The following STARD13 variants were observed in gnomAD, a reference collection of about 807,000 sequenced individuals.
The protein encoded by STARD13 is StAR related lipid transfer domain containing 13.
In STARD13, 62 loss-of-function variants were observed where a neutral mutation model predicts 106.4. The observed-to-expected ratio is 0.58, with a 90% CI of 0.48 to 0.72. The LOEUF (loss-of-function observed/expected upper bound fraction) is 0.72. STARD13 is among the 30% of genes least tolerant of loss of function. The pLI is 0.00. For synonymous variants in STARD13, 565 were observed against 553.0 expected, an observed-to-expected ratio of 1.02 and a Z score of -0.31; for missense variants, 1,387 against 1,424.0, an observed-to-expected ratio of 0.97 and a Z score of 0.42.
chr13:33,235,151 A>G (rs1889124514), intron 1 of STARD13, among the ~76,000 whole-genome samples: 1 of 152,250 alleles, frequency 6.6e-6, no homozygotes, highest in African/African-American at 2.4e-5. Flanking sequence ...GCAAACTCAC[A>G]CAGGAGGCTT....
At chr13:33,136,112 C>A (rs1879018913) in intron 4 of STARD13, among the ~76,000 whole-genome samples, 1 of 143,234 alleles carries the variant, frequency 7.0e-6, no homozygotes, top group African/African-American at 2.5e-5. Context: ...TGAAGTGAGA[C>A]TCTACCTCAA....
chr13:33,137,579 C>T (rs896726853), intron 4 of STARD13, among the ~76,000 whole-genome samples: 1 of 152,102 alleles, frequency 6.6e-6, no homozygotes, highest in Admixed American at 6.5e-5. Context: ...ATATGGAAGG[C>T]CTTTCTAGTC....
the STARD13 span, among the ~76,000 whole-genome samples, chr13:33,514,614 A>C: frequency 6.6e-6 from 1 of 152,214 alleles, no homozygotes; most frequent in East Asian, 1.9e-4. Flanking sequence ...GACCAAGGGC[A>C]TGTTCCTACT....
intron 1 of STARD13, among the ~76,000 whole-genome samples, chr13:33,242,031 C>T (rs901025130): frequency 3.9e-5 from 6 of 151,984 alleles, no homozygotes; most frequent in Non-Finnish European, 8.8e-5. Flanking sequence ...CCCCTCTGCC[C>T]CGCCGCCCCA....
the STARD13 span, among the ~76,000 whole-genome samples, chr13:33,443,307 G>T: frequency 2.9e-3 from 434 of 151,544 alleles, 2 homozygotes; most frequent in African/African-American, 0.01. Context: ...AACCCAGGAG[G>T]TGGAGCTTGC....
the STARD13 span, among the ~76,000 whole-genome samples, chr13:33,518,659 G>A: frequency 2.0e-5 from 3 of 152,076 alleles, no homozygotes; most frequent in African/African-American, 7.2e-5. Flanking sequence ...ATAGGGCTGA[G>A]TAGAGGCAAG....
intron 1 of STARD13, among the ~76,000 whole-genome samples, chr13:33,311,741 A>G (rs565983542): frequency 6.6e-6 from 1 of 152,348 alleles, no homozygotes; most frequent in East Asian, 1.9e-4. Context: ...CAGAGATGAA[A>G]GCACAAAGGC....
At chr13:33,143,900 C>T (rs1880183158) in intron 3 of STARD13, among the ~76,000 whole-genome samples, 1 of 152,172 alleles carries the variant, frequency 6.6e-6, no homozygotes, top group Non-Finnish European at 1.5e-5. Context: ...TCAATGGCTT[C>T]TTTTTAGCAA....
chr13:33,414,436 C>A, the STARD13 span, among the ~76,000 whole-genome samples: 7 of 152,200 alleles, frequency 4.6e-5, no homozygotes, highest in African/African-American at 1.7e-4. Flanking sequence ...TTTGGTGAGT[C>A]CACATCACAG....
chr13:33,493,897 GA>G, the STARD13 span, among the ~76,000 whole-genome samples: 1 of 151,222 alleles, frequency 6.6e-6, no homozygotes, highest in Non-Finnish European at 1.5e-5. Flanking sequence ...ACACAGCTAT[GA>G]AAAAAATCCA....
chr13:33,316,997 A>G (rs1893365913), intron 1 of STARD13, among the ~76,000 whole-genome samples: 1 of 152,130 alleles, frequency 6.6e-6, no homozygotes, highest in African/African-American at 2.4e-5. Flanking sequence ...GTCTTCTGGG[A>G]TATCAGGCTT....
intron 1 of STARD13, among the ~76,000 whole-genome samples, chr13:33,259,529 C>T (rs1266130537): frequency 1.3e-5 from 2 of 152,094 alleles, no homozygotes; most frequent in African/African-American, 4.8e-5. Flanking sequence ...TTTGACATTG[C>T]CAGACTCCAT....
the STARD13 span, among the ~76,000 whole-genome samples, chr13:33,588,020 A>G: frequency 6.6e-6 from 1 of 152,224 alleles, no homozygotes; most frequent in African/African-American, 2.4e-5. Flanking sequence ...GTTTCATATT[A>G]TATTTCTATT....
chr13:33,173,820 G>C (rs774695874), intron 1 of STARD13, among the ~76,000 whole-genome samples: 3 of 152,116 alleles, frequency 2.0e-5, no homozygotes, highest in Admixed American at 6.5e-5. Flanking sequence ...CTGACTGTCA[G>C]CAAGTATACA....
chr13:33,124,593 T>C lies in STARD13; in HGVS notation c.2082+1488A>G, dbSNP rs376012687. Among the ~76,000 whole-genome samples the C allele has an allele frequency of 2.0e-5, 3 of 152,306 alleles. No individual in the cohort carries two copies. In the East Asian group the frequency reaches 5.8e-4, roughly 29 times the overall value. On this transcript the variant is annotated intron_variant, in intron 7 of 13. Transcript: ENST00000336934. ...AAGACTTTTGCTTCTAAAGAGAGAC[T>C]GGCCCCACTAACAGCAATGATATTG...
intron 1 of STARD13, among the ~76,000 whole-genome samples, chr13:33,205,582 T>A (rs1025585845): frequency 1.3e-5 from 2 of 152,228 alleles, no homozygotes; most frequent in Non-Finnish European, 2.9e-5. Flanking sequence ...TCTCTGAGAT[T>A]AAATAAAAGT....
chr13:33,649,241 T>C, the STARD13 span, among the ~76,000 whole-genome samples: 3 of 152,238 alleles, frequency 2.0e-5, no homozygotes, highest in Non-Finnish European at 4.4e-5. Context: ...ACACGTTTAT[T>C]GCATATTTAC....
At chr13:33,656,112 T>C in the STARD13 span, among the ~76,000 whole-genome samples, 2 of 152,234 alleles carry the variant, frequency 1.3e-5, no homozygotes, top group Non-Finnish European at 2.9e-5. Flanking sequence ...ATTATCACTA[T>C]GTATTCTAAT....
chr13:33,270,144 G>C (rs1891087482), intron 1 of STARD13, among the ~76,000 whole-genome samples: 1 of 152,184 alleles, frequency 6.6e-6, no homozygotes, highest in Non-Finnish European at 1.5e-5. Context: ...GCTGAGGCAG[G>C]AGAGTTGCTT....
Sources: allele counts gnomAD v4.1 joint callset (sites outside exome capture counted in the v4.1 genomes callset), GRCh38; gene constraint gnomAD v4.1.1; transcripts MANE v1.5; gene names NCBI Gene and HGNC (gene_info 2026-07-23, HGNC 2026-07-21).